The following GART variants were observed in gnomAD, a reference collection of about 807,000 sequenced individuals.
GART encodes the protein trifunctional purine biosynthetic protein adenosine-3.
A neutral mutation model predicts 107.2 loss-of-function variants in GART; 43 were observed. The observed-to-expected ratio is 0.40, with a 90% CI of 0.31 to 0.52. GART has a LOEUF of 0.52. Among genes scored for constraint, GART ranks in the 20% least tolerant of loss-of-function variants. GART has a pLI of 0.52. For synonymous variants in GART, 434 were observed against 427.0 expected (o/e 1.02, Z -0.20); for missense variants, 1,107 against 1,206.5 (o/e 0.92, Z 1.22).
intron 3 of GART, among the ~76,000 whole-genome samples, chr21:33,535,012 A>G (rs1409005516): frequency 6.6e-6 from 1 of 152,252 alleles, no homozygotes; most frequent in Non-Finnish European, 1.5e-5. Context: ...AAAGACATAT[A>G]AAATGTTTTC....
At chr21:33,533,013 T>TGA (rs2085222872) in intron 4 of GART, among the ~76,000 whole-genome samples, 1 of 151,586 alleles carries the variant, frequency 6.6e-6, no homozygotes, top group Admixed American at 6.6e-5. Context: ...CTGACACAAC[T>TGA]GAAAGGAAAA....
At chr21:33,508,330 A>T (rs2084720319) in intron 18 of GART, among the ~76,000 whole-genome samples, 1 of 146,020 alleles carries the variant, frequency 6.8e-6, no homozygotes, top group Non-Finnish European at 1.5e-5. Flanking sequence ...TAGTTTCTTT[A>T]AAAAAAAAAA....
At position 33,522,250 on chromosome 21, in the gene GART, A is replaced by C; in HGVS notation, c.1331T>G (p.Ile444Ser). The C allele has an allele frequency of 6.2e-7, 1 of 1,613,960 alleles. No individual in the cohort carries two copies. Among genetic ancestry groups the C allele is most frequent in the Non-Finnish European group, 8.5e-7 (1 of 1,179,890 alleles). The part of the protein sequence containing the change: ...SLTYKESGVD[I>S]AAGNMLVKKI... Reference sequence around the variant, plus strand: ...CTTGACCAGCATATTTCCAGCTGCGATATCTACTCCAGATTCCTTGTAAGT... The same window carrying C: ...CTTGACCAGCATATTTCCAGCTGCGCTATCTACTCCAGATTCCTTGTAAGT... The change falls in exon 12 of 22, where the codon ATC (isoleucine) becomes AGC (serine). Residue 444 changes from isoleucine to serine, a missense_variant. Coordinates refer to ENST00000381815, the MANE Select transcript of GART (RefSeq NM_000819.5).
At chr21:33,528,478 A>G in intron 9 of GART, 41 bp downstream of exon 9, 2 of 1,553,088 alleles carry the variant, frequency 1.3e-6, no homozygotes, top group Non-Finnish European at 1.8e-6. Context: ...TTAAAATACC[A>G]CATATCTTCT....
intron 2 of GART, among the ~76,000 whole-genome samples, chr21:33,537,605 GGA>G (rs1460361801): frequency 6.6e-6 from 1 of 152,202 alleles, no homozygotes; most frequent in Non-Finnish European, 1.5e-5. Flanking sequence ...AGAAACTGTA[GGA>G]GAGATATAAT....
intron 2 of GART, among the ~76,000 whole-genome samples, chr21:33,536,843 A>G (rs533747101): frequency 6.6e-6 from 1 of 152,336 alleles, no homozygotes; most frequent in East Asian, 1.9e-4. Flanking sequence ...GCTATGCTAG[A>G]CTGGTGTGCA....
chr21:33,523,888 A>C, intron 11 of GART: 3 of 405,636 alleles, frequency 7.4e-6, no homozygotes, highest in Non-Finnish European at 9.8e-6. Context: ...AATCACTTGA[A>C]CCCGGGAGGT....
intron 14 of GART, 144 bp downstream of exon 14, chr21:33,520,220 T>C: frequency 1.5e-6 from 1 of 680,506 alleles, no homozygotes; most frequent in Non-Finnish European, 2.5e-6. Flanking sequence ...GTTTTACCTA[T>C]ATTTCATTTG....
chr21:33,512,838 G>A (rs369222773), intron 16 of GART, among the ~76,000 whole-genome samples: 13 of 151,960 alleles, frequency 8.6e-5, no homozygotes, highest in African/African-American at 3.1e-4. Context: ...TTCTGCCTCA[G>A]CCTCCCAAAG....
At chr21:33,533,822 T>C (rs2145753943) in intron 4 of GART, among the ~76,000 whole-genome samples, 1 of 151,916 alleles carries the variant, frequency 6.6e-6, no homozygotes, top group East Asian at 2.0e-4. Flanking sequence ...GGAGGATCAC[T>C]TGAGTCCAGG....
At chr21:33,533,438 C>CAAAAAAAAAAAAAAAAAAAAAAAAAAAAA (rs5843612) in intron 4 of GART, among the ~76,000 whole-genome samples, 1 of 128,668 alleles carries the variant, frequency 7.8e-6, no homozygotes, top group Non-Finnish European at 1.7e-5. Context: ...GAACGAGACT[C>CAAAAAAAAAAAAAAAAAAAAAAAAAAAAA]AAAAAAAAAA....
At chr21:33,530,485 A>C (rs2085164813) in intron 7 of GART, among the ~76,000 whole-genome samples, 1 of 152,228 alleles carries the variant, frequency 6.6e-6, no homozygotes, top group African/African-American at 2.4e-5. Flanking sequence ...ACAGGCTCCC[A>C]TGTGTTAAAA....
At position 33,504,270 on chromosome 21, in the gene GART, CG is replaced by C; in HGVS notation, c.2886del (p.Val963Ter). On this transcript the variant is annotated frameshift_variant, in exon 22 of 22. Transcript: ENST00000381815. LOFTEE classifies it high-confidence loss of function. ...AGQIILQEAV[P>X]VKRGDTVATL... ...GTTGCGACAGTATCACCCCTCTTCA[CG>C]GGAACAGCTTCTTGCAAAATAATCT... The C allele has an allele frequency of 6.2e-7, 1 of 1,614,180 alleles. No homozygotes were observed. The highest frequency in any genetic ancestry group is 8.5e-7 in the Non-Finnish European group (1 of 1,180,026).
intron 10 of GART, among the ~76,000 whole-genome samples, chr21:33,526,524 TTTTC>T (rs1215419207): frequency 2.0e-5 from 3 of 151,954 alleles, no homozygotes; most frequent in East Asian, 1.9e-4. Context: ...CTGCTTCTTT[TTTTC>T]TTTTTCGATT....
chr21:33,517,217 G>C, intron 15 of GART, 76 bp from the exon 16 acceptor site: 2 of 1,556,474 alleles, frequency 1.3e-6, no homozygotes, highest in African/African-American at 1.4e-5. Context: ...CCTGGAGAAT[G>C]ACACCAGCTC....
At chr21:33,528,816 T>C (rs2085125854) in intron 8 of GART, 34 bp downstream of exon 8, 2 of 1,424,598 alleles carry the variant, frequency 1.4e-6, no homozygotes, top group Non-Finnish European at 2.0e-6. Flanking sequence ...AGTTACTCTA[T>C]AGGTGGCTTC....
At chr21:33,509,664 C>G (rs2084748067) in intron 18 of GART, 119 bp downstream of exon 18, 1 of 996,160 alleles carries the variant, frequency 1.0e-6, no homozygotes, top group Non-Finnish European at 1.4e-6. Flanking sequence ...AAAGACAACC[C>G]TCATGATTCC....
At position 33,524,756 on chromosome 21, in the gene GART, C is replaced by T. The variant is rs1024485240; in HGVS notation, c.1298+13G>A. 3 of 1,614,114 alleles carry T rather than the reference C, an allele frequency of 1.9e-6. No individual in the cohort carries two copies. The highest frequency in any genetic ancestry group is 2.5e-6 in the Non-Finnish European group (3 of 1,179,994). ...CTGAAATGGCACTACAGCTAACTTG[C>T]TTAGAGTTTTACCTGGGCTGCTGGA... On this transcript the variant is annotated intron_variant, in intron 11 of 21. Transcript: ENST00000381815.
rs1028349222 is a variant in GART, at chr21:33,507,240, T to C, written c.2453-1136A>G. 3.3e-5 allele frequency among the ~76,000 whole-genome samples: 5 copies of C among 152,242 alleles called. No homozygotes were observed. In the South Asian group the frequency reaches 6.2e-4, roughly 19 times the overall value. On this transcript the variant is annotated intron_variant, in intron 18 of 21. Transcript: ENST00000381815. The stretch of plus-strand genomic sequence containing the variant: ...CATAAAAAAGATGAGATCCTGTCAT[T>C]TGCAACAACATGGATGGAACGGGAG...
Sources: allele counts gnomAD v4.1 joint callset (sites outside exome capture counted in the v4.1 genomes callset), GRCh38; gene constraint gnomAD v4.1.1; transcripts MANE v1.5; gene names NCBI Gene and HGNC (gene_info 2026-07-23, HGNC 2026-07-21).